Variants in CES1 observed in about 807,000 individuals in gnomAD.
CES1 encodes carboxylesterase 1.
A neutral mutation model predicts 53.0 loss-of-function variants in CES1; 50 were observed. That is an observed-to-expected ratio of 0.94 (90% CI 0.75 to 1.19). The LOEUF (loss-of-function observed/expected upper bound fraction) is 1.19. CES1 is among the 50% of genes most tolerant of loss of function. CES1 has a pLI of 0.00. For missense variants in CES1, 534 were observed against 538.0 expected (o/e 0.99, Z 0.07); for synonymous variants, 202 against 210.1 (o/e 0.96, Z 0.33).
In CES1 at chr16:55,829,126, A is replaced by G. The variant is rs1216616274; in HGVS notation, c.53-152T>C. 3.7e-6 allele frequency: 3 copies of G among 821,644 alleles called. No homozygotes were observed. The African/African-American group carries it at 5.2e-5, about 14-fold the overall frequency. 50.9% of individuals were successfully genotyped at this position (821,644 alleles called of 1,614,324 possible). On this transcript the variant is annotated intron_variant, in intron 1 of 13. Transcript: ENST00000360526. ...CTCTTGATGTACAATAGGGATGACG[A>G]TCAATGTCCTCCCTAACCCATTGAG...
At chr16:55,826,729 G>A (rs577878706) in intron 2 of CES1, among the ~76,000 whole-genome samples, 19 of 152,158 alleles carry the variant, frequency 1.2e-4, no homozygotes, top group Non-Finnish European at 2.4e-4. Context: ...GTCCCAATCC[G>A]CCAGGTCTAA....
intron 11 of CES1, 62 bp downstream of exon 11, chr16:55,810,455 G>C: frequency 6.2e-7 from 1 of 1,601,900 alleles, no homozygotes; most frequent in Non-Finnish European, 8.5e-7. Context: ...CTGGGAGGTA[G>C]GTGGGTCAGA....
chr16:55,819,424 T>C (rs1341268484), intron 7 of CES1, 111 bp downstream of exon 7: 2 of 817,980 alleles, frequency 2.4e-6, no homozygotes, highest in African/African-American at 1.7e-5. Context: ...ATTCAGATAC[T>C]GAGAGTTGAG....
chr16:55,810,413 C>T (rs2031633653), intron 11 of CES1, 104 bp downstream of exon 11: 1 of 1,473,172 alleles, frequency 6.8e-7, no homozygotes, highest in East Asian at 2.2e-5. Flanking sequence ...CCTTTGAGGC[C>T]TGACCCTCAG....
In CES1 at chr16:55,832,140, G is replaced by A. The variant is rs12919008; in HGVS notation, c.52+864C>T. On this transcript the variant is annotated intron_variant, in intron 1 of 13. Transcript: ENST00000360526. Reference sequence around the variant, plus strand: ...TTAGGAACAGCCCCTGTGCCCCAGAGCCCCTGAAGTATCCCAACTTGCCAG... The same window carrying A: ...TTAGGAACAGCCCCTGTGCCCCAGAACCCCTGAAGTATCCCAACTTGCCAG... Among the ~76,000 whole-genome samples the A allele has an allele frequency of 2.0e-5, 3 of 152,084 alleles. No individual in the cohort carries two copies. In the East Asian group the frequency reaches 5.8e-4, roughly 29 times the overall value.
intron 1 of CES1, among the ~76,000 whole-genome samples, chr16:55,830,852 G>GCATGCAAGCA (rs1329378896): frequency 5.5e-5 from 7 of 126,326 alleles, no homozygotes; most frequent in Middle Eastern, 4.4e-3. Context: ...GCAGGCAAGT[G>GCATGCAAGCA]GGAGTGAGGG....
At chr16:55,815,590 G>T (rs2002577) in intron 8 of CES1, among the ~76,000 whole-genome samples, 4 of 151,954 alleles carry the variant, frequency 2.6e-5, no homozygotes, top group South Asian at 2.1e-4. Flanking sequence ...ACTCCTCCCC[G>T]TTTCTTACCC....
At chr16:55,812,592 C>A (rs1451800054) in intron 9 of CES1, among the ~76,000 whole-genome samples, 1 of 152,192 alleles carries the variant, frequency 6.6e-6, no homozygotes, top group South Asian at 2.1e-4. Flanking sequence ...ACTCCTTCCC[C>A]CTTCTAGGCC....
At chr16:55,814,941 G>A (rs757795444) in intron 8 of CES1, among the ~76,000 whole-genome samples, 8 of 152,352 alleles carry the variant, frequency 5.3e-5, no homozygotes, top group South Asian at 2.1e-4. Flanking sequence ...GTTCAGGCAG[G>A]GCTGCTGTGG....
At chr16:55,822,138 T>G (rs2032225528) in intron 4 of CES1, among the ~76,000 whole-genome samples, 1 of 152,214 alleles carries the variant, frequency 6.6e-6, no homozygotes, top group African/African-American at 2.4e-5. Context: ...GAGAGGGCCC[T>G]GGGGCCTGGC....
At chr16:55,827,903 A>C (rs1467501418) in intron 2 of CES1, 1 of 152,220 alleles carries the variant, frequency 6.6e-6, no homozygotes, top group Non-Finnish European at 1.5e-5. Context: ...TAAAATACTG[A>C]TAGTTGTTCT....
chr16:55,833,021 G>A lies in CES1; in HGVS notation c.35C>T (p.Ser12Phe). The change falls in exon 1 of 14, where the codon TCT (serine) becomes TTT (phenylalanine). Residue 12 changes from serine to phenylalanine, a missense_variant. Ser to Phe is a radical substitution (Grantham distance 155, BLOSUM62 -2). This residue lies in a region of CES1 where 164 missense variants were observed against 162.4 expected (regional missense o/e 1.01). Transcript: ENST00000360526. ...GGACTCACCCCAAGCCGCGGAAGCA[G>A]AGAGAGTGGCCAGGATAAAGGCACG... is the stretch of plus-strand genomic sequence containing the variant. Reference protein sequence around the residue: ...WLRAFILATLSASAAWAGHPS... With the variant: ...WLRAFILATLFASAAWAGHPS... 1 of 1,558,248 alleles carries A rather than the reference G, an allele frequency of 6.4e-7. No homozygotes were observed. Among genetic ancestry groups the A allele is most frequent in the Non-Finnish European group, 8.8e-7 (1 of 1,138,980 alleles).
chr16:55,814,672 C>G (rs540485330), intron 8 of CES1, among the ~76,000 whole-genome samples: 10 of 152,342 alleles, frequency 6.6e-5, no homozygotes, highest in African/African-American at 2.4e-4. Context: ...CTTCCCAGTT[C>G]CACGCCCCAT....
At chr16:55,815,792 A>G (rs1382866669) in intron 8 of CES1, among the ~76,000 whole-genome samples, 4 of 152,158 alleles carry the variant, frequency 2.6e-5, no homozygotes, top group African/African-American at 9.7e-5. Context: ...GTCTATTTGA[A>G]CACCAGAGAC....
intron 8 of CES1, among the ~76,000 whole-genome samples, chr16:55,816,612 T>G (rs2302721): frequency 0.72 from 108,855 of 151,310 alleles, 40,123 homozygotes; most frequent in Non-Finnish European, 0.82. Context: ...GAAGGTTCTG[T>G]TTCAGCCTCC....
intron 11 of CES1, 77 bp downstream of exon 11, chr16:55,810,440 C>T: frequency 6.3e-7 from 1 of 1,576,846 alleles, no homozygotes; most frequent in Non-Finnish European, 8.7e-7. Flanking sequence ...CCATGTCTGT[C>T]TATGCTGGGA....
chr16:55,815,945 T>C (rs2031923546), intron 8 of CES1, among the ~76,000 whole-genome samples: 1 of 152,416 alleles, frequency 6.6e-6, no homozygotes, highest in South Asian at 2.1e-4. Context: ...CAAGCCAGTC[T>C]GTCCCCACAC....
chr16:55,814,346 GT>G (rs1285912364), intron 8 of CES1, among the ~76,000 whole-genome samples: 1 of 152,258 alleles, frequency 6.6e-6, no homozygotes, highest in Non-Finnish European at 1.5e-5. Flanking sequence ...TCTGGGTACA[GT>G]TATATTTCAT....
intron 2 of CES1, among the ~76,000 whole-genome samples, chr16:55,826,640 A>G (rs1384243804): frequency 3.3e-5 from 5 of 152,202 alleles, no homozygotes; most frequent in Admixed American, 3.3e-4. Flanking sequence ...GTGGGACAAC[A>G]TCAGGAGAAT....
Sources: gnomAD v4.1 joint callset for allele counts (sites outside exome capture counted in the v4.1 genomes callset) on GRCh38, gnomAD v4.1.1 for gene constraint, gnomAD v4.1.1 regional missense constraint, MANE v1.5 for transcripts, NCBI Gene and HGNC (gene_info 2026-07-23, HGNC 2026-07-21) for gene names.